The following ATP8A2 variants were observed in gnomAD, a reference collection of about 807,000 sequenced individuals.
ATP8A2 encodes ATPase phospholipid transporting 8A2.
In ATP8A2, 100 loss-of-function variants were observed where a neutral mutation model predicts 165.6. That is an observed-to-expected ratio of 0.60 (90% CI 0.51 to 0.71). The LOEUF (loss-of-function observed/expected upper bound fraction) is 0.71. ATP8A2 is among the 30% of genes least tolerant of loss of function. The pLI, the probability that ATP8A2 is intolerant of heterozygous loss-of-function variation, is 0.00. For missense variants in ATP8A2, 1,227 were observed against 1,479.5 expected (o/e 0.83, Z 2.80); for synonymous variants, 543 against 548.8 (o/e 0.99, Z 0.15).
chr13:25,857,409 C>T lies in ATP8A2; in HGVS notation c.2957-2786C>T, dbSNP rs994572253. ...TTTTTTATTAAGACAGGGTCTTACACTGTCACCCAGGCTGGAGTGCACTGT... is the reference window on the plus strand; with the variant it reads ...TTTTTTATTAAGACAGGGTCTTACATTGTCACCCAGGCTGGAGTGCACTGT... On this transcript the variant is annotated intron_variant, in intron 30 of 36. Transcript: ENST00000381655. Among the ~76,000 whole-genome samples, 5 of 152,248 alleles carry T rather than the reference C, an allele frequency of 3.3e-5. No individual in the cohort carries two copies. In the South Asian group the frequency reaches 8.3e-4, roughly 25 times the overall value.
At chr13:25,815,456 G>A (rs1006833056) in intron 27 of ATP8A2, among the ~76,000 whole-genome samples, 1 of 152,148 alleles carries the variant, frequency 6.6e-6, no homozygotes, top group Non-Finnish European at 1.5e-5. Context: ...CATCACTGAT[G>A]ATTAAGGAAA....
intron 2 of ATP8A2, among the ~76,000 whole-genome samples, chr13:25,509,840 G>A (rs2037164646): frequency 6.6e-6 from 1 of 152,104 alleles, no homozygotes; most frequent in Non-Finnish European, 1.5e-5. Flanking sequence ...GGATATAAGT[G>A]AATATGCAAG....
intron 25 of ATP8A2, among the ~76,000 whole-genome samples, chr13:25,753,186 C>T (rs546208175): frequency 6.6e-6 from 1 of 152,294 alleles, no homozygotes; most frequent in South Asian, 2.1e-4. Context: ...AACAGCACGT[C>T]CAAGAACACT....
chr13:25,817,351 G>C (rs916562383), intron 27 of ATP8A2, among the ~76,000 whole-genome samples: 1 of 40,950 alleles, frequency 2.4e-5, no homozygotes, highest in Admixed American at 2.4e-4. Context: ...GGTCTTTTAT[G>C]GGGGGGGGGG....
At chr13:25,736,179 A>C (rs751920264) in intron 25 of ATP8A2, among the ~76,000 whole-genome samples, 1 of 152,182 alleles carries the variant, frequency 6.6e-6, no homozygotes, top group African/African-American at 2.4e-5. Context: ...AGTGCATTCT[A>C]TGACGTTTGC....
intron 25 of ATP8A2, among the ~76,000 whole-genome samples, chr13:25,736,792 C>T (rs1208992896): frequency 5.3e-5 from 8 of 152,232 alleles, no homozygotes; most frequent in Admixed American, 3.3e-4. Flanking sequence ...AACAGGCAGG[C>T]TCTAGTTGAT....
chr13:25,524,918 C>A (rs912155696), intron 2 of ATP8A2, among the ~76,000 whole-genome samples: 5 of 150,728 alleles, frequency 3.3e-5, no homozygotes, highest in Non-Finnish European at 7.4e-5. Context: ...TTCCTTCCTT[C>A]CTTCCTTCCT....
At chr13:25,918,326 T>C (rs1400372417) in intron 33 of ATP8A2, among the ~76,000 whole-genome samples, 1 of 152,190 alleles carries the variant, frequency 6.6e-6, no homozygotes, top group Non-Finnish European at 1.5e-5. Context: ...TAACAAGAAA[T>C]GAAGAGGCCA....
intron 6 of ATP8A2, among the ~76,000 whole-genome samples, chr13:25,534,734 G>A (rs926065272): frequency 1.6e-4 from 25 of 152,248 alleles, no homozygotes; most frequent in African/African-American, 5.8e-4. Flanking sequence ...ATGTGCCAGA[G>A]ATTGTACTAG....
intron 33 of ATP8A2, among the ~76,000 whole-genome samples, chr13:25,948,383 A>G (rs184863826): frequency 6.6e-6 from 1 of 152,168 alleles, no homozygotes; most frequent in Non-Finnish European, 1.5e-5. Flanking sequence ...AGCACCTTTT[A>G]TAGTACTTTA....
intron 36 of ATP8A2, among the ~76,000 whole-genome samples, chr13:26,015,285 A>G (rs936829496): frequency 6.6e-6 from 1 of 152,186 alleles, no homozygotes; most frequent in Non-Finnish European, 1.5e-5. Flanking sequence ...GGGTGGTCAG[A>G]GCTGGTCCTG....
intron 6 of ATP8A2, 82 bp from the exon 7 acceptor site, chr13:25,537,906 C>G: frequency 1.1e-6 from 1 of 925,302 alleles, no homozygotes; most frequent in Non-Finnish European, 1.7e-6. Context: ...ATTTTTTCTT[C>G]AAATATTTAA....
chr13:25,778,901 G>A (rs1238502595), intron 27 of ATP8A2, among the ~76,000 whole-genome samples: 1 of 152,086 alleles, frequency 6.6e-6, no homozygotes, highest in Non-Finnish European at 1.5e-5. Flanking sequence ...ATTAAAACTG[G>A]GTTTTTATCA....
intron 13 of ATP8A2, 113 bp from the exon 14 acceptor site, chr13:25,558,860 G>T: frequency 1.6e-6 from 1 of 634,858 alleles, no homozygotes. Context: ...CTTGCTTTAG[G>T]GAAATCTACC....
At chr13:25,495,875 G>A (rs2036662547) in intron 2 of ATP8A2, among the ~76,000 whole-genome samples, 1 of 151,948 alleles carries the variant, frequency 6.6e-6, no homozygotes, top group East Asian at 1.9e-4. Flanking sequence ...AAGCTGCTTG[G>A]TTCGAATATA....
At chr13:25,794,678 C>A (rs775788274) in intron 27 of ATP8A2, among the ~76,000 whole-genome samples, 11 of 152,032 alleles carry the variant, frequency 7.2e-5, no homozygotes, top group Non-Finnish European at 1.5e-4. Context: ...TTATTGTATG[C>A]AAACTATATC....
intron 2 of ATP8A2, among the ~76,000 whole-genome samples, chr13:25,501,706 A>G (rs2036857058): frequency 6.6e-6 from 1 of 152,258 alleles, no homozygotes; most frequent in Admixed American, 6.5e-5. Context: ...GAGACAAGAC[A>G]CACATCCATG....
chr13:25,912,857 TG>T (rs1251530130), intron 33 of ATP8A2, among the ~76,000 whole-genome samples: 1 of 152,158 alleles, frequency 6.6e-6, no homozygotes, highest in Non-Finnish European at 1.5e-5. Context: ...AGCTTCATTT[TG>T]TGGTTATGAC....
chr13:25,952,603 C>G (rs1029236255), intron 33 of ATP8A2, among the ~76,000 whole-genome samples: 1 of 152,114 alleles, frequency 6.6e-6, no homozygotes, highest in Non-Finnish European at 1.5e-5. Flanking sequence ...AAACTCCTGA[C>G]CTCAAACCGT....
Sources: gnomAD v4.1 joint callset for allele counts (sites outside exome capture counted in the v4.1 genomes callset) on GRCh38, gnomAD v4.1.1 for gene constraint, MANE v1.5 for transcripts, NCBI Gene and HGNC (gene_info 2026-07-23, HGNC 2026-07-21) for gene names.